The following ASH1L variants were observed in gnomAD, a reference collection of about 807,000 sequenced individuals.
ASH1L encodes the protein ASH1 like histone lysine methyltransferase, also known as histone-lysine N-methyltransferase ASH1L.
Under a neutral mutation model 269.0 loss-of-function variants are expected in ASH1L, and 23 were observed. The ratio of observed to expected loss-of-function variants is 0.09; its 90% CI spans 0.06 to 0.12. ASH1L has a LOEUF of 0.12. ASH1L is among the 10% of genes least tolerant of loss of function. The pLI, the probability that ASH1L is intolerant of heterozygous loss-of-function variation, is 1.00. For missense variants in ASH1L, 2,912 were observed against 3,567.8 expected (o/e 0.82, Z 4.68); for synonymous variants, 1,187 against 1,253.5 (o/e 0.95, Z 1.12).
At chr1:155,516,784 A>T (rs1453794058) in intron 2 of ASH1L, among the ~76,000 whole-genome samples, 2 of 152,130 alleles carry the variant, frequency 1.3e-5, no homozygotes, top group African/African-American at 2.4e-5. Context: ...ATTAATAATT[A>T]AAAAAACTAG....
In ASH1L at chr1:155,337,288, G is replaced by A. The variant is rs1334619819; in HGVS notation, c.*372C>T. ...GGATTTTGAGTTATACCTGGGTATA[G>A]GAAGCAGCTTCTTCGCAATGCCTGT... On this transcript the variant is annotated 3_prime_UTR_variant, in exon 28 of 28. Transcript: ENST00000392403. The A allele has an allele frequency of 5.8e-6, 1 of 171,702 alleles. No homozygotes were observed. The highest frequency in any genetic ancestry group is 1.7e-4 in the East Asian group (1 of 5,990). The allele number at this position is 171,702 out of a possible 1,614,324, so 10.6% of individuals were successfully genotyped here. A position where few individuals can be genotyped will look rare whatever the true frequency, so the allele number is the denominator to read the frequency against.
chr1:155,388,326 C>A (rs1037885794), intron 7 of ASH1L, among the ~76,000 whole-genome samples: 1 of 152,214 alleles, frequency 6.6e-6, no homozygotes, highest in African/African-American at 2.4e-5. Flanking sequence ...GGATCTCACT[C>A]TGTCTTTCAG....
In ASH1L at chr1:155,415,893, A is replaced by G; in HGVS notation, c.5859T>C (p.Ser1953=). The G allele has an allele frequency of 1.2e-6, 2 of 1,602,562 alleles. No homozygotes were observed. The highest frequency in any genetic ancestry group is 1.7e-5 in the Admixed American group (1 of 57,884). ...SFNEAPVEIP[S]PSETPAKPSE... ...AAGGTTTAGCTGGGGTTTCAGAAGG[A>G]CTGGGAATCTCAACTGGTGCTTCAT... is the stretch of plus-strand genomic sequence containing the variant. The change falls in exon 6 of 28, where the codon AGT becomes AGC. Residue 1953 remains serine, a synonymous_variant. Coordinates refer to ENST00000392403, the MANE Select transcript of ASH1L (RefSeq NM_018489.3).
chr1:155,552,048 G>T (rs528484675), intron 1 of ASH1L, among the ~76,000 whole-genome samples: 13 of 152,256 alleles, frequency 8.5e-5, no homozygotes, highest in Middle Eastern at 3.4e-3. Context: ...AGTACTAAAA[G>T]ATCTATATCG....
Position 155,481,958 on chromosome 1 carries a change from A to G in ASH1L, c.912T>C (p.Ser304=), listed in dbSNP as rs1185401591. Residue 304 remains serine, a synonymous_variant, in exon 3 of 28, where the codon TCT becomes TCC. Transcript: ENST00000392403. ...NAAVGLVNKD[S]VKKLGTGTTA... Reference sequence around the variant, plus strand: ...TAGTGCCAGTTCCCAGTTTTTTCACAGAGTCCTTATTGACCAATCCTACTG... The same window carrying G: ...TAGTGCCAGTTCCCAGTTTTTTCACGGAGTCCTTATTGACCAATCCTACTG... 1 of 1,614,074 alleles carries G rather than the reference A, an allele frequency of 6.2e-7. No homozygotes were observed. Among genetic ancestry groups the G allele is most frequent in the Non-Finnish European group, 8.5e-7 (1 of 1,180,006 alleles).
At position 155,349,751 on chromosome 1, in the gene ASH1L, CTT is replaced by C. The variant is rs1653709694; in HGVS notation, c.7367-157_7367-156del. Among the ~76,000 whole-genome samples the C allele has an allele frequency of 7.0e-5, 9 of 128,212 alleles. No individual in the cohort carries two copies. In the South Asian group the frequency reaches 2.2e-3, roughly 31 times the overall value. The allele number at this position is 128,212 out of a possible 152,430, so 84.1% of individuals were successfully genotyped here. A position where few individuals can be genotyped will look rare whatever the true frequency, so the allele number is the denominator to read the frequency against. Reference sequence around the variant, plus strand: ...TTTTTTTTTGAGACAGAGTCTCACTCTTGTCGCCCAGGCTGGTGTGCAATGGC... The same window carrying C: ...TTTTTTTTTGAGACAGAGTCTCACTCGTCGCCCAGGCTGGTGTGCAATGGC... On this transcript the variant is annotated intron_variant, in intron 17 of 27. Coordinates refer to ENST00000392403, the MANE Select transcript of ASH1L (RefSeq NM_018489.3).
chr1:155,552,799 A>G (rs1671308147), intron 1 of ASH1L, among the ~76,000 whole-genome samples: 1 of 152,240 alleles, frequency 6.6e-6, no homozygotes, highest in Non-Finnish European at 1.5e-5. Context: ...ATACACTTCA[A>G]AAGTGTATTT....
intron 4 of ASH1L, among the ~76,000 whole-genome samples, chr1:155,447,684 G>C (rs538590301): frequency 1.3e-5 from 2 of 152,238 alleles, no homozygotes; most frequent in African/African-American, 4.8e-5. Context: ...TATCTCTTCA[G>C]TCTTTTGTCC....
intron 1 of ASH1L, among the ~76,000 whole-genome samples, chr1:155,560,602 C>T (rs186310399): frequency 1.3e-5 from 2 of 152,306 alleles, no homozygotes; most frequent in East Asian, 3.8e-4. Flanking sequence ...TGTACCCAGG[C>T]TATTTACAGA....
chr1:155,558,930 C>T (rs533349127), intron 1 of ASH1L, among the ~76,000 whole-genome samples: 313 of 149,722 alleles, frequency 2.1e-3, no homozygotes, highest in African/African-American at 7.3e-3. Flanking sequence ...CTGCAACCTC[C>T]ACTTCAGGGA....
At chr1:155,452,107 T>G (rs1302634563) in intron 4 of ASH1L, among the ~76,000 whole-genome samples, 1 of 151,778 alleles carries the variant, frequency 6.6e-6, no homozygotes, top group Non-Finnish European at 1.5e-5. Flanking sequence ...GGCATGATCT[T>G]GGCTCACTGC....
chr1:155,466,513 T>G (rs1432563680), intron 3 of ASH1L, among the ~76,000 whole-genome samples: 2 of 152,234 alleles, frequency 1.3e-5, no homozygotes, highest in East Asian at 3.8e-4. Context: ...CTTTCATCTC[T>G]GTAGGTTCAC....
At chr1:155,488,479 G>T (rs959094752) in intron 2 of ASH1L, among the ~76,000 whole-genome samples, 81 of 120,096 alleles carry the variant, frequency 6.7e-4, no homozygotes, top group African/African-American at 2.5e-3. Flanking sequence ...CCAACATGGT[G>T]AAACTCGCCT....
chr1:155,533,622 A>C (rs1014839115), intron 1 of ASH1L, among the ~76,000 whole-genome samples: 2 of 151,810 alleles, frequency 1.3e-5, no homozygotes, highest in African/African-American at 4.8e-5. Flanking sequence ...GCTGAGGCAG[A>C]AGAATCACTT....
At chr1:155,522,566 A>G (rs1668961964) in intron 1 of ASH1L, among the ~76,000 whole-genome samples, 1 of 152,152 alleles carries the variant, frequency 6.6e-6, no homozygotes, top group South Asian at 2.1e-4. Context: ...TAGCGTGCTA[A>G]TTTATTATTT....
chr1:155,348,027 T>C, intron 19 of ASH1L, 123 bp from the exon 20 acceptor site: 2 of 1,154,316 alleles, frequency 1.7e-6, no homozygotes, highest in Non-Finnish European at 1.2e-6. Flanking sequence ...AGATTTTCAA[T>C]AGTATCAAAT....
At chr1:155,451,183 G>A (rs1407236833) in intron 4 of ASH1L, among the ~76,000 whole-genome samples, 1 of 122,120 alleles carries the variant, frequency 8.2e-6, no homozygotes, top group African/African-American at 3.1e-5. Flanking sequence ...GGCACCAAGA[G>A]CAAAACTCCA....
intron 5 of ASH1L, among the ~76,000 whole-genome samples, chr1:155,422,190 T>C (rs187524085): frequency 2.4e-4 from 36 of 152,182 alleles, no homozygotes; most frequent in African/African-American, 8.4e-4. Flanking sequence ...CAGGCTGGAG[T>C]GCAGTGGCAC....
At chr1:155,344,446 G>A (rs1028896125) in intron 21 of ASH1L, 173 bp from the exon 22 acceptor site, 1 of 554,434 alleles carries the variant, frequency 1.8e-6, no homozygotes, top group African/African-American at 1.9e-5. Context: ...AGTGAAGGTA[G>A]AGGACAAAAC....
Sources: allele counts gnomAD v4.1 joint callset (sites outside exome capture counted in the v4.1 genomes callset), GRCh38; gene constraint gnomAD v4.1.1; transcripts MANE v1.5; gene names NCBI Gene and HGNC (gene_info 2026-07-23, HGNC 2026-07-21).